The following IL15 variants were observed in gnomAD, a reference collection of about 807,000 sequenced individuals.
IL15 encodes the protein interleukin-15.
IL15 carries 11 observed loss-of-function variants against 19.6 expected under a neutral mutation model. The ratio of observed to expected loss-of-function variants is 0.56; its 90% CI spans 0.35 to 0.93. The LOEUF (loss-of-function observed/expected upper bound fraction) is 0.93, where lower values mean the gene tolerates loss of function less well. IL15 is among the 40% of genes least tolerant of loss of function. The pLI is 0.01. For synonymous variants in IL15, 58 were observed against 59.6 expected, an observed-to-expected ratio of 0.97 and a Z score of 0.12; for missense variants, 197 against 186.5, an observed-to-expected ratio of 1.06 and a Z score of -0.33.
In IL15 at chr4:141,699,165, G is replaced by A. The variant is rs551647314; in HGVS notation, c.-99-20201G>A. 5.9e-5 allele frequency among the ~76,000 whole-genome samples: 9 copies of A among 152,182 alleles called. No homozygotes were observed. In the East Asian group the frequency reaches 1.7e-3, roughly 29 times the overall value. The stretch of plus-strand genomic sequence containing the variant: ...GGGTTCCTTTTGGAATTGATTTCCA[G>A]TTTTATTCTACTGTGGTCTGAGAAG... On this transcript the variant is annotated intron_variant, in intron 2 of 7. Transcript: ENST00000320650.
chr4:141,681,795 GC>G (rs1728542278), intron 2 of IL15, among the ~76,000 whole-genome samples: 1 of 145,634 alleles, frequency 6.9e-6, no homozygotes, highest in African/African-American at 2.8e-5. Flanking sequence ...CTCTTCAGAT[GC>G]TTAAGTCAAG....
intron 2 of IL15, among the ~76,000 whole-genome samples, chr4:141,701,967 A>G (rs1391229324): frequency 6.6e-6 from 1 of 152,176 alleles, no homozygotes; most frequent in Admixed American, 6.5e-5. Flanking sequence ...TGCAATCACC[A>G]TGAATGGTTC....
intron 2 of IL15, chr4:141,688,688 C>T (rs1728788595): frequency 6.6e-6 from 1 of 152,212 alleles, no homozygotes; most frequent in Non-Finnish European, 1.5e-5. Context: ...CTAGTTCTGC[C>T]ATCTCTTGAG....
chr4:141,732,030 G>A (rs1730469291), intron 7 of IL15, among the ~76,000 whole-genome samples: 1 of 152,110 alleles, frequency 6.6e-6, no homozygotes, highest in African/African-American at 2.4e-5. Context: ...TACTGGCTCT[G>A]ACCTTCTGGC....
intron 2 of IL15, among the ~76,000 whole-genome samples, chr4:141,673,282 A>G (rs1181381386): frequency 6.6e-6 from 1 of 152,202 alleles, no homozygotes; most frequent in East Asian, 1.9e-4. Context: ...ACATACAATG[A>G]CCTATCTTTT....
At chr4:141,643,571 A>T (rs975283156) in intron 1 of IL15, among the ~76,000 whole-genome samples, 9 of 151,516 alleles carry the variant, frequency 5.9e-5, no homozygotes, top group African/African-American at 1.9e-4. Context: ...CTTCCAAGCC[A>T]CTCCCCTTCT....
chr4:141,730,981 G>C (rs957120733), intron 7 of IL15, among the ~76,000 whole-genome samples: 1 of 152,158 alleles, frequency 6.6e-6, no homozygotes, highest in Non-Finnish European at 1.5e-5. Flanking sequence ...AAGGACACAG[G>C]GTAGGGGCAC....
chr4:141,667,379 T>C (rs772624254), intron 2 of IL15, among the ~76,000 whole-genome samples: 2 of 152,128 alleles, frequency 1.3e-5, no homozygotes, highest in Non-Finnish European at 2.9e-5. Context: ...AGGTAGATAG[T>C]GTCAGGATGC....
At chr4:141,696,694 A>G (rs1267497044) in intron 2 of IL15, among the ~76,000 whole-genome samples, 2 of 151,934 alleles carry the variant, frequency 1.3e-5, no homozygotes, top group African/African-American at 2.4e-5. Context: ...GGTTACAATG[A>G]TAAGTTCATT....
intron 5 of IL15, among the ~76,000 whole-genome samples, chr4:141,726,566 G>A (rs1028397147): frequency 3.9e-5 from 6 of 152,114 alleles, no homozygotes; most frequent in African/African-American, 1.4e-4. Flanking sequence ...ACATGCATTT[G>A]CCTTACAATC....
rs575684113 is a variant in IL15, at chr4:141,662,566, A to T, written c.-100+6259A>T. ...GCCTGTTTTTGTCTCTGTGTTATGT[A>T]TGTGCATCTCTTGTAAACAGCATGT... is the stretch of plus-strand genomic sequence containing the variant. On this transcript the variant is annotated intron_variant, in intron 2 of 7. Transcript: ENST00000320650. Among the ~76,000 whole-genome samples, 4 of 152,096 alleles carry T rather than the reference A, an allele frequency of 2.6e-5. No homozygotes were observed. In the East Asian group the frequency reaches 7.7e-4, roughly 29 times the overall value.
chr4:141,644,212 C>T (rs1456568005), intron 1 of IL15, among the ~76,000 whole-genome samples: 2 of 151,934 alleles, frequency 1.3e-5, no homozygotes, highest in African/African-American at 4.8e-5. Context: ...TCCACTCCAG[C>T]CTGTTCTCAA....
At position 141,675,117 on chromosome 4, in the gene IL15, T is replaced by C. The variant is rs559404471; in HGVS notation, c.-100+18810T>C. Among the ~76,000 whole-genome samples, 4 of 151,642 alleles carry C rather than the reference T, an allele frequency of 2.6e-5. No individual in the cohort carries two copies. In the South Asian group the frequency reaches 8.3e-4, roughly 32 times the overall value. ...TATACCCATTTTTTAAAAATAATTA[T>C]ATTGGGATTCTTTTGGATATTTGAG... On this transcript the variant is annotated intron_variant, in intron 2 of 7. Transcript: ENST00000320650.
At chr4:141,701,778 G>C (rs569896277) in intron 2 of IL15, among the ~76,000 whole-genome samples, 3 of 152,220 alleles carry the variant, frequency 2.0e-5, no homozygotes, top group Admixed American at 2.0e-4. Context: ...CAGTTCCCCT[G>C]CCAGGCCAAC....
rs138932505 is a variant in IL15 at position 141,714,446 on chromosome 4, T to C, written c.-99-4920T>C. On this transcript the variant is annotated intron_variant, in intron 2 of 7. Transcript: ENST00000320650. ...TACCACCTGCAACAACCCCCTTTCC[T>C]TCCTCCCTTTTGGAGCAGGATTCTT... is the stretch of plus-strand genomic sequence containing the variant. Among the ~76,000 whole-genome samples, 97 of 152,192 alleles carry C rather than the reference T, an allele frequency of 6.4e-4. 2 individuals carry two copies. The East Asian group carries it at 0.017, about 27-fold the overall frequency.
chr4:141,716,621 G>C (rs1301932467), intron 2 of IL15: 1 of 152,322 alleles, frequency 6.6e-6, no homozygotes, highest in Non-Finnish European at 1.5e-5. Flanking sequence ...GCCCCCAACA[G>C]GGCGGTGCCT....
At chr4:141,700,394 G>A (rs942969944) in intron 2 of IL15, among the ~76,000 whole-genome samples, 3 of 152,068 alleles carry the variant, frequency 2.0e-5, no homozygotes, top group Non-Finnish European at 4.4e-5. Context: ...AGTTTTGCTG[G>A]ATAAAAAAAG....
In IL15 at chr4:141,721,997, G is replaced by A; in HGVS notation, c.184G>A (p.Asp62Asn). ...AATAAGTGATTTGAAAAAAATTGAA[G>A]ATCTTATTCAAGTGAGTACTCATTT... is the stretch of plus-strand genomic sequence containing the variant. Reference protein sequence around the residue: ...NVISDLKKIEDLIQSMHIDAT... With the variant: ...NVISDLKKIENLIQSMHIDAT... Residue 62 changes from aspartate to asparagine, a missense_variant, in exon 5 of 8, where the codon GAT (aspartate) becomes AAT (asparagine). By Grantham distance (23) the Asp-to-Asn change is conservative. Coordinates refer to ENST00000320650, the MANE Select transcript of IL15 (RefSeq NM_000585.5). 1 of 1,591,006 alleles carries A rather than the reference G, an allele frequency of 6.3e-7. No individual in the cohort carries two copies. Among genetic ancestry groups the A allele is most frequent in the South Asian group, 1.1e-5 (1 of 88,550 alleles).
At chr4:141,684,131 C>G (rs1227334149) in intron 2 of IL15, among the ~76,000 whole-genome samples, 1 of 152,144 alleles carries the variant, frequency 6.6e-6, no homozygotes, top group East Asian at 1.9e-4. Flanking sequence ...TACGACCCAG[C>G]CTGTACCCAG....
Sources: allele counts gnomAD v4.1 joint callset (sites outside exome capture counted in the v4.1 genomes callset), GRCh38; gene constraint gnomAD v4.1.1; transcripts MANE v1.5; gene names NCBI Gene and HGNC (gene_info 2026-07-23, HGNC 2026-07-21).